DDAH1: variants seen among roughly 807,000 people sequenced by gnomAD.
The protein encoded by DDAH1 is dimethylarginine dimethylaminohydrolase 1, also known as N(G),N(G)-dimethylarginine dimethylaminohydrolase 1.
In DDAH1, 19 loss-of-function variants were observed where a neutral mutation model predicts 28.8. That is an observed-to-expected ratio of 0.66 (90% CI 0.46 to 0.97). The LOEUF (loss-of-function observed/expected upper bound fraction) is 0.97. DDAH1 is among the 50% of genes least tolerant of loss of function. The pLI is 0.00. For missense variants in DDAH1, 326 were observed against 375.9 expected, an observed-to-expected ratio of 0.87 and a Z score of 1.10; for synonymous variants, 153 against 154.4, an observed-to-expected ratio of 0.99 and a Z score of 0.07.
chr1:85,415,808 G>A (rs754308406), intron 1 of DDAH1, among the ~76,000 whole-genome samples: 1 of 152,056 alleles, frequency 6.6e-6, no homozygotes, highest in Admixed American at 6.6e-5. Context: ...TCTAAATTTT[G>A]ATTTTTTAAA....
chr1:85,493,562 C>T lies in DDAH1; in HGVS notation c.-7+2604G>A, dbSNP rs996825512. ...AGAGGTTGCTCCAATATTGAACAAA[C>T]ATTGCACACCTCTTAAATAGAGAAA... is the stretch of plus-strand genomic sequence containing the variant. On this transcript the variant is annotated intron_variant, in intron 2 of 6. Coordinates refer to the DDAH1 transcript ENST00000426972. The T allele has an allele frequency of 5.3e-5, 8 of 152,246 alleles. No individual in the cohort carries two copies. In the East Asian group the frequency reaches 5.8e-4, roughly 11 times the overall value. 9.4% of individuals were successfully genotyped at this position (152,246 alleles called of 1,614,324 possible).
At chr1:85,323,753 T>G (rs1661448206) in intron 5 of DDAH1, among the ~76,000 whole-genome samples, 1 of 151,654 alleles carries the variant, frequency 6.6e-6, no homozygotes, top group African/African-American at 2.4e-5. Flanking sequence ...GGAGGATCCT[T>G]TAAGCCCAGG....
At chr1:85,500,905 C>T (rs1274851202) in intron 1 of DDAH1, among the ~76,000 whole-genome samples, 1 of 150,518 alleles carries the variant, frequency 6.6e-6, no homozygotes, top group Admixed American at 6.6e-5. Flanking sequence ...TTTTTCAGTT[C>T]TAGAATTTCT....
chr1:85,487,548 A>C (rs1262396208), intron 2 of DDAH1, among the ~76,000 whole-genome samples: 1 of 152,216 alleles, frequency 6.6e-6, no homozygotes, highest in Non-Finnish European at 1.5e-5. Flanking sequence ...TTATTTTTCC[A>C]AATGAAATGT....
chr1:85,555,831 C>T (rs1658944956), intron 1 of DDAH1, among the ~76,000 whole-genome samples: 1 of 152,194 alleles, frequency 6.6e-6, no homozygotes, highest in Non-Finnish European at 1.5e-5. Flanking sequence ...ATGTTTAGGT[C>T]TTCCTTGCAA....
At chr1:85,451,803 T>C (rs1242770692) in intron 1 of DDAH1, among the ~76,000 whole-genome samples, 1 of 152,054 alleles carries the variant, frequency 6.6e-6, no homozygotes, top group Non-Finnish European at 1.5e-5. Context: ...CAGAGGAAAG[T>C]AGAAGCAGTA....
chr1:85,411,582 T>C (rs573409904), intron 1 of DDAH1, among the ~76,000 whole-genome samples: 12 of 152,290 alleles, frequency 7.9e-5, no homozygotes, highest in Middle Eastern at 3.4e-3. Flanking sequence ...CTTAGCAAAA[T>C]GGCTGTCCTG....
chr1:85,548,969 C>T (rs554655203), intron 1 of DDAH1, among the ~76,000 whole-genome samples: 1 of 152,234 alleles, frequency 6.6e-6, no homozygotes, highest in African/African-American at 2.4e-5. Flanking sequence ...ATCTGGGCAT[C>T]GAACTCCTGT....
At chr1:85,353,442 A>G (rs1422416825) in intron 2 of DDAH1, among the ~76,000 whole-genome samples, 1 of 152,212 alleles carries the variant, frequency 6.6e-6, no homozygotes. Context: ...GGCAAATGAC[A>G]TAGGTCAGGT....
chr1:85,487,527 T>G (rs1441037307), intron 2 of DDAH1, among the ~76,000 whole-genome samples: 1 of 152,256 alleles, frequency 6.6e-6, no homozygotes, highest in African/African-American at 2.4e-5. Context: ...TTTTCTTCTT[T>G]GAATATAATC....
At position 85,328,790 on chromosome 1, in the gene DDAH1, G is replaced by GA. The variant is rs565562220; in HGVS notation, c.598-3908dup. 2.6e-4 allele frequency among the ~76,000 whole-genome samples: 39 copies of GA among 152,288 alleles called. No individual in the cohort carries two copies. In the South Asian group the frequency reaches 7.2e-3, roughly 28 times the overall value. ...CTAGACACAAACAAAACAAAATCTAGAAAATCTATTACTCACATTGACTTA... is the reference window on the plus strand; with the variant it reads ...CTAGACACAAACAAAACAAAATCTAGAAAAATCTATTACTCACATTGACTTA... On this transcript the variant is annotated intron_variant, in intron 4 of 5. Transcript: ENST00000284031.
intron 1 of DDAH1, among the ~76,000 whole-genome samples, chr1:85,392,207 A>G (rs1651584909): frequency 6.6e-6 from 1 of 152,112 alleles, no homozygotes; most frequent in Non-Finnish European, 1.5e-5. Context: ...GCTATGAGGA[A>G]AGCATCTGTT....
chr1:85,398,632 G>A (rs548424509), intron 1 of DDAH1: 1 of 152,204 alleles, frequency 6.6e-6, no homozygotes, highest in Non-Finnish European at 1.5e-5. Context: ...GCCACAACCA[G>A]GGACATTCAA....
chr1:85,537,169 A>C (rs1180675830), intron 1 of DDAH1, among the ~76,000 whole-genome samples: 1 of 151,298 alleles, frequency 6.6e-6, no homozygotes, highest in East Asian at 1.9e-4. Context: ...TCATCTCTAC[A>C]AAAAAATACA....
At chr1:85,453,096 G>A (rs557973541) in intron 1 of DDAH1, among the ~76,000 whole-genome samples, 5 of 152,264 alleles carry the variant, frequency 3.3e-5, no homozygotes, top group South Asian at 2.1e-4. Flanking sequence ...TTCAGGGAGC[G>A]TGTTCTAAAT....
intron 1 of DDAH1, among the ~76,000 whole-genome samples, chr1:85,565,265 T>G (rs191749591): frequency 4.6e-5 from 7 of 152,080 alleles, no homozygotes; most frequent in Non-Finnish European, 1.0e-4. Context: ...AGAAACAACA[T>G]AAGCCAGAAG....
chr1:85,445,420 G>C (rs989448845), intron 1 of DDAH1, among the ~76,000 whole-genome samples: 1 of 152,126 alleles, frequency 6.6e-6, no homozygotes, highest in African/African-American at 2.4e-5. Flanking sequence ...ACTAGACAGT[G>C]CCTTAAGATC....
Position 85,575,584 on chromosome 1 carries a change from G to T in DDAH1, c.-123+2400C>A, listed in dbSNP as rs561803255. ...CCAGTACATTACGCAATTCTCAGGGGTTAGCACAGCTTCAGGTAATTTATC... is the reference window on the plus strand; with the variant it reads ...CCAGTACATTACGCAATTCTCAGGGTTTAGCACAGCTTCAGGTAATTTATC... On this transcript the variant is annotated intron_variant, in intron 1 of 6. Transcript: ENST00000426972. Among the ~76,000 whole-genome samples the T allele has an allele frequency of 5.3e-5, 8 of 152,298 alleles. No homozygotes were observed. The South Asian group carries it at 8.3e-4, about 16-fold the overall frequency.
intron 2 of DDAH1, among the ~76,000 whole-genome samples, chr1:85,492,015 A>G (rs1656422636): frequency 1.3e-5 from 2 of 152,198 alleles, no homozygotes; most frequent in Admixed American, 1.3e-4. Context: ...CTTAACATAC[A>G]TTATCCTAAT....
Sources: allele counts gnomAD v4.1 joint callset (sites outside exome capture counted in the v4.1 genomes callset), GRCh38; gene constraint gnomAD v4.1.1; transcripts MANE v1.5; gene names NCBI Gene and HGNC (gene_info 2026-07-23, HGNC 2026-07-21).